Variants in MTUS2 observed in about 807,000 individuals in gnomAD.
MTUS2 encodes the protein microtubule associated scaffold protein 2, also known as microtubule-associated tumor suppressor candidate 2.
A neutral mutation model predicts 114.1 loss-of-function variants in MTUS2; 40 were observed. The ratio of observed to expected loss-of-function variants is 0.35; its 90% CI spans 0.27 to 0.46. MTUS2 has a LOEUF of 0.46. Ranked by LOEUF, MTUS2 falls within the 20% of genes least tolerant of loss-of-function variation. The pLI is 1.00. For synonymous variants in MTUS2, 688 were observed against 672.0 expected (o/e 1.02, Z -0.37); for missense variants, 1,679 against 1,705.4 (o/e 0.98, Z 0.27).
At chr13:29,316,506 G>T (rs183378051) in intron 6 of MTUS2, among the ~76,000 whole-genome samples, 1 of 152,080 alleles carries the variant, frequency 6.6e-6, no homozygotes, top group African/African-American at 2.4e-5. Flanking sequence ...CCAACACCCC[G>T]ACTCTCTTCT....
At chr13:29,180,791 G>A (rs979894662) in intron 5 of MTUS2, among the ~76,000 whole-genome samples, 2 of 152,180 alleles carry the variant, frequency 1.3e-5, no homozygotes, top group African/African-American at 2.4e-5. Flanking sequence ...AAGTGGGACA[G>A]CGCCTATGAG....
intron 4 of MTUS2, among the ~76,000 whole-genome samples, chr13:29,069,615 C>T (rs1213006987): frequency 3.3e-5 from 5 of 152,140 alleles, no homozygotes; most frequent in Non-Finnish European, 5.9e-5. Context: ...AACTATGACA[C>T]CTCCTGACAC....
chr13:29,067,386 A>G (rs1053701412), intron 4 of MTUS2, among the ~76,000 whole-genome samples: 1 of 152,138 alleles, frequency 6.6e-6, no homozygotes, highest in South Asian at 2.1e-4. Context: ...TATGAGGCTA[A>G]GGAAGAGGGA....
At chr13:29,058,325 C>G (rs1190133775) in intron 4 of MTUS2, among the ~76,000 whole-genome samples, 2 of 151,602 alleles carry the variant, frequency 1.3e-5, no homozygotes, top group African/African-American at 4.8e-5. Context: ...ATTGGCCTCT[C>G]TACTGAGGTT....
At chr13:29,094,466 T>G (rs1890094909) in intron 4 of MTUS2, among the ~76,000 whole-genome samples, 1 of 152,062 alleles carries the variant, frequency 6.6e-6, no homozygotes, top group Non-Finnish European at 1.5e-5. Flanking sequence ...GTTGTCTAAT[T>G]TGTTGAGATG....
chr13:28,829,098 G>A (rs1874478230), intron 1 of MTUS2, among the ~76,000 whole-genome samples: 1 of 152,162 alleles, frequency 6.6e-6, no homozygotes, highest in South Asian at 2.1e-4. Context: ...GGAAATTAAC[G>A]AAGGGTTTAT....
intron 2 of MTUS2, among the ~76,000 whole-genome samples, chr13:28,962,672 C>CT (rs1883384033): frequency 6.6e-6 from 1 of 152,170 alleles, no homozygotes; most frequent in African/African-American, 2.4e-5. Flanking sequence ...TTTAGGTCTC[C>CT]TTTGCCTCAG....
rs148409441 is a variant in MTUS2, at chr13:29,423,044, T to C, written c.3118-16939T>C. Among the ~76,000 whole-genome samples the C allele has an allele frequency of 1.8e-4, 28 of 152,360 alleles. No individual in the cohort carries two copies. The East Asian group carries it at 5.2e-3, about 28-fold the overall frequency. On this transcript the variant is annotated intron_variant, in intron 8 of 15. Coordinates refer to ENST00000612955, the MANE Select transcript of MTUS2 (RefSeq NM_001033602.4). ...TGGGTGAGTCCCTGGAGAATTTTTA[T>C]TCAGAGGGGACCTCCCTACATGGCC...
intron 1 of MTUS2, among the ~76,000 whole-genome samples, chr13:28,828,715 C>T (rs1874446004): frequency 6.6e-6 from 1 of 151,884 alleles, no homozygotes; most frequent in African/African-American, 2.4e-5. Context: ...TTAAGGGACA[C>T]CAAGACACTT....
At chr13:29,468,502 C>T (rs1593478555) in intron 9 of MTUS2, among the ~76,000 whole-genome samples, 1 of 152,188 alleles carries the variant, frequency 6.6e-6, no homozygotes, top group Non-Finnish European at 1.5e-5. Flanking sequence ...TTGTTTGAAC[C>T]TGGGCTGCAC....
Position 29,326,147 on chromosome 13 carries a change from C to G in MTUS2, c.2905+1436C>G, listed in dbSNP as rs936859201. 2.0e-5 allele frequency among the ~76,000 whole-genome samples: 3 copies of G among 152,076 alleles called. 1 individual carries two copies. The highest frequency in any genetic ancestry group is 6.5e-5 in the Admixed American group (1 of 15,272). On this transcript the variant is annotated intron_variant, in intron 7 of 15. Transcript: ENST00000612955. Reference sequence around the variant, plus strand: ...CACAAGGAAGGAAAAGAAAACTCACCCTGCGGGAGACTGACTGATTGCAGC... The same window carrying G: ...CACAAGGAAGGAAAAGAAAACTCACGCTGCGGGAGACTGACTGATTGCAGC...
At chr13:28,945,561 C>T (rs1307567904) in intron 2 of MTUS2, among the ~76,000 whole-genome samples, 1 of 152,098 alleles carries the variant, frequency 6.6e-6, no homozygotes, top group African/African-American at 2.4e-5. Context: ...TTTTAATTTG[C>T]ATTTCTGATG....
At chr13:29,041,564 C>G (rs1306011061) in intron 4 of MTUS2, among the ~76,000 whole-genome samples, 3 of 152,126 alleles carry the variant, frequency 2.0e-5, no homozygotes, top group Non-Finnish European at 4.4e-5. Flanking sequence ...ATTGATTCTA[C>G]CCATCCATGA....
chr13:29,330,137 A>G (rs1243032111), intron 7 of MTUS2, among the ~76,000 whole-genome samples: 1 of 152,156 alleles, frequency 6.6e-6, no homozygotes, highest in Non-Finnish European at 1.5e-5. Context: ...AATGATCGCC[A>G]TTCTAACTGC....
intron 5 of MTUS2, among the ~76,000 whole-genome samples, chr13:29,146,595 T>C (rs1927845): frequency 0.14 from 21,527 of 152,128 alleles, 2,910 homozygotes; most frequent in African/African-American, 0.36. Context: ...CTTATTAATA[T>C]TTGGTAAACA....
chr13:29,114,054 C>A (rs992926491), intron 5 of MTUS2, among the ~76,000 whole-genome samples: 1 of 152,276 alleles, frequency 6.6e-6, no homozygotes, highest in South Asian at 2.1e-4. Context: ...TACCTGCTCC[C>A]CCTTCACCTT....
chr13:29,174,816 A>G (rs1893705279), intron 5 of MTUS2, among the ~76,000 whole-genome samples: 1 of 152,180 alleles, frequency 6.6e-6, no homozygotes, highest in Admixed American at 6.5e-5. Context: ...TATGGCCAGT[A>G]TTTCATGAAA....
At chr13:29,039,899 T>A (rs1279252091) in intron 4 of MTUS2, among the ~76,000 whole-genome samples, 1 of 152,242 alleles carries the variant, frequency 6.6e-6, no homozygotes, top group South Asian at 2.1e-4. Context: ...TTTCCAGCCT[T>A]CCTACATCCA....
intron 5 of MTUS2, among the ~76,000 whole-genome samples, chr13:29,220,520 T>A: frequency 6.6e-6 from 1 of 152,156 alleles, no homozygotes; most frequent in East Asian, 1.9e-4. Context: ...TGGCCTAATT[T>A]CAATATTGTT....
Sources: allele counts gnomAD v4.1 joint callset (sites outside exome capture counted in the v4.1 genomes callset), GRCh38; gene constraint gnomAD v4.1.1; transcripts MANE v1.5; gene names NCBI Gene and HGNC (gene_info 2026-07-23, HGNC 2026-07-21).